Variants in MFHAS1 observed in about 807,000 individuals in gnomAD.
MFHAS1 encodes the protein multifunctional ROCO family signaling regulator 1, also known as malignant fibrous histiocytoma-amplified sequence 1.
A neutral mutation model predicts 70.4 loss-of-function variants in MFHAS1; 50 were observed. That is an observed-to-expected ratio of 0.71 (90% CI 0.57 to 0.90). The LOEUF is 0.90. Ranked by LOEUF, MFHAS1 falls within the 40% of genes least tolerant of loss-of-function variation. The pLI, the probability that MFHAS1 is intolerant of heterozygous loss-of-function variation, is 0.00. For missense variants in MFHAS1, 1,795 were observed against 1,347.6 expected (o/e 1.33, Z -5.20); for synonymous variants, 952 against 620.0 (o/e 1.54, Z -7.96).
intron 1 of MFHAS1, among the ~76,000 whole-genome samples, chr8:8,836,722 T>C (rs564340093): frequency 6.6e-6 from 1 of 152,324 alleles, no homozygotes; most frequent in South Asian, 2.1e-4. Context: ...TCCATTCATC[T>C]CTATCCATGA....
chr8:8,885,328 G>C (rs1809712565), intron 1 of MFHAS1, among the ~76,000 whole-genome samples: 1 of 152,122 alleles, frequency 6.6e-6, no homozygotes, highest in Admixed American at 6.5e-5. Context: ...AAATAATTTG[G>C]AGAGTAGGAT....
At chr8:8,794,076 G>C (rs554050800) in intron 2 of MFHAS1, among the ~76,000 whole-genome samples, 1 of 152,100 alleles carries the variant, frequency 6.6e-6, no homozygotes, top group African/African-American at 2.4e-5. Flanking sequence ...TGTAGTCCTA[G>C]CTACTTAGGA....
chr8:8,865,997 T>C (rs1026266262), intron 1 of MFHAS1, among the ~76,000 whole-genome samples: 3 of 152,250 alleles, frequency 2.0e-5, no homozygotes, highest in African/African-American at 4.8e-5. Context: ...TGCCAAAGCA[T>C]GCCAACCTCA....
intron 1 of MFHAS1, among the ~76,000 whole-genome samples, chr8:8,801,017 T>C (rs953778928): frequency 2.6e-5 from 4 of 152,076 alleles, no homozygotes; most frequent in Non-Finnish European, 4.4e-5. Flanking sequence ...ACATCGAGAC[T>C]ATCCTGGCCA....
chr8:8,878,418 C>T (rs1410428826), intron 1 of MFHAS1, among the ~76,000 whole-genome samples: 1 of 151,950 alleles, frequency 6.6e-6, no homozygotes, highest in Non-Finnish European at 1.5e-5. Context: ...ATAAGATCAC[C>T]CCTAGGAGGC....
At chr8:8,798,563 C>A (rs1038926038) in intron 1 of MFHAS1, among the ~76,000 whole-genome samples, 2 of 152,166 alleles carry the variant, frequency 1.3e-5, no homozygotes, top group South Asian at 4.1e-4. Context: ...TCTCAAACTT[C>A]TGGCCTCAAG....
At position 8,892,268 on chromosome 8, in the gene MFHAS1, G is replaced by A. The variant is rs142715136; in HGVS notation, c.791C>T (p.Ala264Val). 2.5e-6 allele frequency: 4 copies of A among 1,612,346 alleles called. No individual in the cohort carries two copies. Among genetic ancestry groups the A allele is most frequent in the Admixed American group, 1.7e-5 (1 of 60,036 alleles). Residue 264 changes from alanine (A) to valine (V), a missense_variant, in exon 1 of 3, where the codon GCT (alanine) becomes GTT (valine). Ala to Val is a moderately conservative substitution (Grantham distance 64). Transcript: ENST00000276282. The surrounding 1 kb of genome is among the most constrained non-coding windows in gnomAD (Gnocchi z 4.7). The part of the protein sequence containing the change: ...SLMLDNNGLQ[A>V]LPAQFSCLQR... ...CAGGCAGCTGAACTGGGCGGGCAGA[G>A]CCTGCAGCCCGTTGTTGTCTAGCAT...
Position 8,891,714 on chromosome 8 carries a change from G to A in MFHAS1, c.1345C>T (p.Pro449Ser), listed in dbSNP as rs371405196. 2.5e-6 allele frequency: 4 copies of A among 1,613,350 alleles called. No homozygotes were observed. In the African/African-American group the frequency reaches 4.0e-5, roughly 16 times the overall value. The change falls in exon 1 of 3, where the codon CCG becomes TCG. Residue 449 changes from proline to serine, a missense_variant. Physicochemically the swap from Pro to Ser is moderately conservative, Grantham distance 74. Coordinates refer to ENST00000276282, the MANE Select transcript of MFHAS1 (RefSeq NM_004225.3). This position sits in a 1 kb window ranked among gnomAD's most constrained non-coding sequence, Gnocchi z 5.4. ...CCCTTGCTCACAGGGGGAGGTGACG[G>A]TGGGTAGCACTTCTCCTTGTCCCCT... ...GGGDKEKCYP[P>S]SPPPVSKGIE...
At chr8:8,828,434 T>C (rs988555694) in intron 1 of MFHAS1, among the ~76,000 whole-genome samples, 1 of 152,124 alleles carries the variant, frequency 6.6e-6, no homozygotes, top group African/African-American at 2.4e-5. Context: ...AGTCTGAAGC[T>C]GCAGTGTTCT....
At chr8:8,832,092 A>G (rs1356256539) in intron 1 of MFHAS1, among the ~76,000 whole-genome samples, 1 of 150,576 alleles carries the variant, frequency 6.6e-6, no homozygotes, top group Non-Finnish European at 1.5e-5. Flanking sequence ...ACACACACGC[A>G]CCAAAGTAAC....
chr8:8,857,204 T>G (rs1808477189), intron 1 of MFHAS1, among the ~76,000 whole-genome samples: 1 of 152,138 alleles, frequency 6.6e-6, no homozygotes, highest in Non-Finnish European at 1.5e-5. Flanking sequence ...AACAGAAAGT[T>G]CATGAGACAT....
chr8:8,863,029 T>C (rs1050224640), intron 1 of MFHAS1, among the ~76,000 whole-genome samples: 3 of 152,236 alleles, frequency 2.0e-5, no homozygotes, highest in East Asian at 1.9e-4. Context: ...GTGTATATAG[T>C]ACAAGGAATG....
In MFHAS1 at chr8:8,783,951, C is replaced by T. The variant is rs1040378744; in HGVS notation, c.*2071G>A. 2.6e-5 allele frequency: 4 copies of T among 152,046 alleles called. No homozygotes were observed. The highest frequency in any genetic ancestry group is 5.9e-5 in the Non-Finnish European group (4 of 68,022). 9.4% of individuals were successfully genotyped at this position (152,046 alleles called of 1,614,324 possible). A position where few individuals can be genotyped will look rare whatever the true frequency, so the allele number is the denominator to read the frequency against. On this transcript the variant is annotated 3_prime_UTR_variant, in exon 3 of 3. Coordinates refer to ENST00000276282, the MANE Select transcript of MFHAS1 (RefSeq NM_004225.3). Reference sequence around the variant, plus strand: ...CCCTTTTGCTAAGACACATGTGACACCAAGGTTTCCTCTGACACTGCTTCT... The same window carrying T: ...CCCTTTTGCTAAGACACATGTGACATCAAGGTTTCCTCTGACACTGCTTCT...
chr8:8,859,590 A>G (rs1310669195), intron 1 of MFHAS1, among the ~76,000 whole-genome samples: 1 of 152,208 alleles, frequency 6.6e-6, no homozygotes, highest in African/African-American at 2.4e-5. Context: ...CAATTTTAAC[A>G]TGACAAGGAT....
At chr8:8,812,677 C>T (rs1404049700) in intron 1 of MFHAS1, among the ~76,000 whole-genome samples, 1 of 152,160 alleles carries the variant, frequency 6.6e-6, no homozygotes, top group Non-Finnish European at 1.5e-5. Flanking sequence ...TGGCTACAGG[C>T]ATGTTTTGCT....
At chr8:8,857,986 T>A in intron 1 of MFHAS1, among the ~76,000 whole-genome samples, 1 of 152,160 alleles carries the variant, frequency 6.6e-6, no homozygotes, top group East Asian at 1.9e-4. Context: ...AAATCCAAGA[T>A]GATTCAAATA....
At chr8:8,881,831 A>AAAG (rs1554489728) in intron 1 of MFHAS1, among the ~76,000 whole-genome samples, 28 of 151,596 alleles carry the variant, frequency 1.8e-4, no homozygotes, top group African/African-American at 6.6e-4. Flanking sequence ...AAAAAAAAAA[A>AAAG]AAAGAAAGCA....
At chr8:8,791,106 T>G (rs1028718892) in intron 2 of MFHAS1, among the ~76,000 whole-genome samples, 3 of 148,406 alleles carry the variant, frequency 2.0e-5, no homozygotes, top group Non-Finnish European at 4.4e-5. Flanking sequence ...TCAACCATTT[T>G]CAAACCACCA....
chr8:8,852,611 G>C lies in MFHAS1; in HGVS notation c.2998+37450C>G, dbSNP rs185481589. Among the ~76,000 whole-genome samples, 284 of 152,282 alleles carry C rather than the reference G, an allele frequency of 1.9e-3. 5 individuals carry two copies. The highest frequency in any genetic ancestry group is 3.4e-4 in the Non-Finnish European group (23 of 68,024). On this transcript the variant is annotated intron_variant, in intron 1 of 2. Coordinates refer to ENST00000276282, the MANE Select transcript of MFHAS1 (RefSeq NM_004225.3). ...ATTTCTTTGCAAAATAATTGGTTCT[G>C]TGGACACCATCGCCCTTCATTAAGG...
Sources: gnomAD v4.1 joint callset for allele counts (sites outside exome capture counted in the v4.1 genomes callset) on GRCh38, gnomAD v4.1.1 for gene constraint, Gnocchi (gnomAD v3.1) non-coding constraint, MANE v1.5 for transcripts, NCBI Gene and HGNC (gene_info 2026-07-23, HGNC 2026-07-21) for gene names.